Variants in SHTN1 observed in about 807,000 individuals in gnomAD.
SHTN1 encodes the protein shootin 1.
A neutral mutation model predicts 83.1 loss-of-function variants in SHTN1; 42 were observed. That is an observed-to-expected ratio of 0.51 (90% CI 0.39 to 0.65). The LOEUF is 0.65. SHTN1 is among the 30% of genes least tolerant of loss of function. The pLI is 0.00. For synonymous variants in SHTN1, 224 were observed against 247.7 expected, an observed-to-expected ratio of 0.90 and a Z score of 0.90; for missense variants, 622 against 737.8, an observed-to-expected ratio of 0.84 and a Z score of 1.82.
intron 1 of SHTN1, among the ~76,000 whole-genome samples, chr10:117,083,704 G>A (rs890065333): frequency 6.6e-6 from 1 of 151,960 alleles, no homozygotes; most frequent in African/African-American, 2.4e-5. Context: ...TTTTCACATA[G>A]TCCCATATTT....
At chr10:116,975,152 T>TA (rs1207913016) in intron 2 of SHTN1, among the ~76,000 whole-genome samples, 6 of 152,294 alleles carry the variant, frequency 3.9e-5, no homozygotes, top group African/African-American at 7.2e-5. Context: ...ATCTTGATGT[T>TA]AAAAAAACTC....
chr10:117,025,073 A>G (rs1172009144), intron 2 of SHTN1, among the ~76,000 whole-genome samples: 2 of 152,182 alleles, frequency 1.3e-5, no homozygotes, highest in Non-Finnish European at 2.9e-5. Context: ...TTTAACAACT[A>G]TCTACACACA....
intron 2 of SHTN1, among the ~76,000 whole-genome samples, chr10:117,042,292 T>A (rs1479665407): frequency 6.6e-6 from 1 of 152,120 alleles, no homozygotes; most frequent in Non-Finnish European, 1.5e-5. Context: ...CCCTTCATAA[T>A]CTGCTCCAAC....
At chr10:116,907,810 G>A (rs1374070336) in intron 14 of SHTN1, 1 of 489,962 alleles carries the variant, frequency 2.0e-6, no homozygotes, top group Admixed American at 2.1e-5. Flanking sequence ...TCATGCCAGA[G>A]TCAAAAGACA....
chr10:116,990,859 C>T (rs1232030464), intron 1 of SHTN1, among the ~76,000 whole-genome samples: 2 of 151,958 alleles, frequency 1.3e-5, no homozygotes, highest in Non-Finnish European at 2.9e-5. Context: ...TCTTCTACTC[C>T]CTCTTTGAAG....
chr10:116,940,963 C>T (rs1049956010), intron 8 of SHTN1, among the ~76,000 whole-genome samples: 1 of 152,098 alleles, frequency 6.6e-6, no homozygotes, highest in African/African-American at 2.4e-5. Flanking sequence ...TTATTTTAAT[C>T]CTTACATCAA....
chr10:117,122,171 C>T (rs148792544), intron 1 of SHTN1, among the ~76,000 whole-genome samples: 33 of 151,702 alleles, frequency 2.2e-4, no homozygotes, highest in Middle Eastern at 3.4e-3. Flanking sequence ...TTTCATATTG[C>T]TATTTATTGT....
rs1018911016 is a variant in SHTN1, at chr10:117,027,194, G to GT, written c.-123+21250_-123+21251insA. Among the ~76,000 whole-genome samples the GT allele has an allele frequency of 3.4e-4, 9 of 26,196 alleles. No homozygotes were observed. In the East Asian group the frequency reaches 4.4e-3, roughly 13 times the overall value. 17.2% of individuals were successfully genotyped at this position (26,196 alleles called of 152,430 possible). On this transcript the variant is annotated intron_variant, in intron 2 of 17. Coordinates refer to the SHTN1 transcript ENST00000392901. Reference sequence around the variant, plus strand: ...TTCAGTTGGAATCCCCAACATTGGAGGGGGGGCCTGGTTGGAGGTGACTGG... The same window carrying GT: ...TTCAGTTGGAATCCCCAACATTGGAGTGGGGGGCCTGGTTGGAGGTGACTGG...
chr10:117,022,658 T>C (rs1205509458), intron 2 of SHTN1, among the ~76,000 whole-genome samples: 1 of 152,168 alleles, frequency 6.6e-6, no homozygotes, highest in East Asian at 1.9e-4. Context: ...CAGTGGCTCA[T>C]GCCTATAATC....
At chr10:117,015,529 C>G (rs915723657) in intron 2 of SHTN1, among the ~76,000 whole-genome samples, 1 of 152,146 alleles carries the variant, frequency 6.6e-6, no homozygotes, top group East Asian at 1.9e-4. Context: ...CGGGATTTCT[C>G]CATGTTGGTC....
chr10:117,056,271 C>T (rs1852825544), intron 1 of SHTN1, among the ~76,000 whole-genome samples: 2 of 152,148 alleles, frequency 1.3e-5, no homozygotes. Context: ...AAGAAAATTA[C>T]AGATCAATAT....
At chr10:117,092,790 TGA>T (rs1174808348) in intron 1 of SHTN1, among the ~76,000 whole-genome samples, 1 of 152,016 alleles carries the variant, frequency 6.6e-6, no homozygotes, top group Non-Finnish European at 1.5e-5. Context: ...TTAGAAAAAG[TGA>T]GGGGGAGATA....
chr10:117,062,990 G>A (rs1444533058), intron 1 of SHTN1, among the ~76,000 whole-genome samples: 2 of 152,190 alleles, frequency 1.3e-5, no homozygotes, highest in Non-Finnish European at 2.9e-5. Flanking sequence ...TTTAAGTTGA[G>A]TGACTGGAAT....
chr10:117,104,932 T>G (rs1242106738), intron 1 of SHTN1, among the ~76,000 whole-genome samples: 1 of 151,494 alleles, frequency 6.6e-6, no homozygotes, highest in Non-Finnish European at 1.5e-5. Context: ...CAGGCTAGTC[T>G]CCCTTCCCTT....
intron 1 of SHTN1, among the ~76,000 whole-genome samples, chr10:116,999,334 CA>C (rs1851742306): frequency 6.6e-6 from 1 of 152,018 alleles, no homozygotes; most frequent in African/African-American, 2.4e-5. Flanking sequence ...GGAAAGAAAA[CA>C]AAAGGTTAAC....
At chr10:116,945,122 A>G in intron 7 of SHTN1, 104 bp from the exon 8 acceptor site, 1 of 730,466 alleles carries the variant, frequency 1.4e-6, no homozygotes, top group Non-Finnish European at 2.3e-6. Flanking sequence ...ACCAGCATAC[A>G]GGTACCCTCA....
chr10:117,008,259 G>C (rs1371590712), upstream of SHTN1, among the ~76,000 whole-genome samples: 3 of 151,980 alleles, frequency 2.0e-5, 1 homozygote, highest in African/African-American at 7.2e-5. Context: ...GTTGGAGTGT[G>C]AAAGTGCAGT....
rs567628510 is a variant in SHTN1 at position 117,055,731 on chromosome 10, C to T, written c.-188-7221G>A. Among the ~76,000 whole-genome samples the T allele has an allele frequency of 5.3e-5, 8 of 152,196 alleles. No homozygotes were observed. The South Asian group carries it at 1.5e-3, about 28-fold the overall frequency. ...CAAATATTTTAAATTAGCCAGGGATCGTGGTATGCATCAGTAGTCCTAGCT... is the reference window on the plus strand; with the variant it reads ...CAAATATTTTAAATTAGCCAGGGATTGTGGTATGCATCAGTAGTCCTAGCT... On this transcript the variant is annotated intron_variant, in intron 1 of 17. Coordinates refer to the SHTN1 transcript ENST00000392901.
chr10:117,053,372 T>C (rs1373318502), intron 1 of SHTN1, among the ~76,000 whole-genome samples: 1 of 152,070 alleles, frequency 6.6e-6, no homozygotes, highest in Non-Finnish European at 1.5e-5. Flanking sequence ...TATCTAATAA[T>C]GGTCTAATAA....
Sources: allele counts gnomAD v4.1 joint callset (sites outside exome capture counted in the v4.1 genomes callset), GRCh38; gene constraint gnomAD v4.1.1; transcripts MANE v1.5; gene names NCBI Gene and HGNC (gene_info 2026-07-23, HGNC 2026-07-21).